The following FNBP1 variants were observed in gnomAD, a reference collection of about 807,000 sequenced individuals.
The protein encoded by FNBP1 is formin binding protein 1, also known as formin-binding protein 1.
Under a neutral mutation model 90.6 loss-of-function variants are expected in FNBP1, and 26 were observed. That is an observed-to-expected ratio of 0.29 (90% CI 0.21 to 0.40). The LOEUF is 0.40. FNBP1 is among the 10% of genes least tolerant of loss of function. The pLI is 1.00. For synonymous variants in FNBP1, 260 were observed against 265.2 expected (o/e 0.98, Z 0.19); for missense variants, 635 against 768.0 (o/e 0.83, Z 2.05).
intron 2 of FNBP1, among the ~76,000 whole-genome samples, chr9:129,985,920 C>T (rs1308133956): frequency 7.2e-6 from 1 of 139,774 alleles, no homozygotes; most frequent in African/African-American, 2.7e-5. Flanking sequence ...AAGATCATGC[C>T]ATTGCACTCC....
chr9:129,888,067 A>C lies in FNBP1; in HGVS notation c.*2472T>G, dbSNP rs184227561. The stretch of plus-strand genomic sequence containing the variant: ...GGTTCAACATTTAAGAGCACTCGCT[A>C]TAACATTCTTTTTGGACGCAGGTGG... On this transcript the variant is annotated 3_prime_UTR_variant, in exon 17 of 17. Coordinates refer to ENST00000446176, the MANE Select transcript of FNBP1 (RefSeq NM_015033.3). The C allele has an allele frequency of 2.1e-5, 5 of 232,688 alleles. No homozygotes were observed. The highest frequency in any genetic ancestry group is 3.4e-5 in the Non-Finnish European group (4 of 117,756). The allele number at this position is 232,688 out of a possible 1,614,324, so 14.4% of individuals were successfully genotyped here.
At chr9:129,970,605 T>C (rs2049307243) in intron 4 of FNBP1, among the ~76,000 whole-genome samples, 1 of 152,198 alleles carries the variant, frequency 6.6e-6, no homozygotes, top group African/African-American at 2.4e-5. Flanking sequence ...ATTTTGTCCT[T>C]TAATTCCGTT....
At chr9:129,892,509 G>C (rs1213986341) in intron 16 of FNBP1, among the ~76,000 whole-genome samples, 2 of 152,082 alleles carry the variant, frequency 1.3e-5, no homozygotes, top group African/African-American at 4.8e-5. Context: ...ATGGGTTGAA[G>C]GAGGGCAGTG....
At chr9:129,965,723 CAT>C (rs1554821700) in intron 4 of FNBP1, among the ~76,000 whole-genome samples, 122 of 138,452 alleles carry the variant, frequency 8.8e-4, no homozygotes, top group African/African-American at 3.1e-3. Context: ...CACACACACA[CAT>C]AGAAAGAAAA....
At chr9:130,025,552 T>C (rs758868908) in intron 1 of FNBP1, among the ~76,000 whole-genome samples, 3 of 152,194 alleles carry the variant, frequency 2.0e-5, no homozygotes, top group Non-Finnish European at 4.4e-5. Flanking sequence ...CACAGTCTAG[T>C]TTATACCAAA....
intron 12 of FNBP1, among the ~76,000 whole-genome samples, chr9:129,907,230 G>A (rs926989167): frequency 6.6e-6 from 1 of 151,886 alleles, no homozygotes; most frequent in African/African-American, 2.4e-5. Flanking sequence ...TGTGTCTTTT[G>A]TAGATAGCAT....
In FNBP1 at chr9:130,042,227, C is replaced by T. The variant is rs535804092; in HGVS notation, c.24+725G>A. On this transcript the variant is annotated intron_variant, in intron 1 of 16. Coordinates refer to ENST00000446176, the MANE Select transcript of FNBP1 (RefSeq NM_015033.3). The surrounding 1 kb of genome is among the most constrained non-coding windows in gnomAD (Gnocchi z 5.5). ...TCCCCACTGGAAACTATTCTCCGAGCAACCGTTAAAGATCATTGACCCCGC... is the reference window on the plus strand; with the variant it reads ...TCCCCACTGGAAACTATTCTCCGAGTAACCGTTAAAGATCATTGACCCCGC... Among the ~76,000 whole-genome samples the T allele has an allele frequency of 1.3e-5, 2 of 152,244 alleles. No homozygotes were observed. The highest frequency in any genetic ancestry group is 4.1e-4 in the South Asian group (2 of 4,828).
chr9:129,897,327 CAA>C (rs1278281618), intron 15 of FNBP1, among the ~76,000 whole-genome samples: 1 of 152,088 alleles, frequency 6.6e-6, no homozygotes, highest in African/African-American at 2.4e-5. Flanking sequence ...TTCTGCAAGG[CAA>C]AGAGTTTAGG....
At chr9:129,920,583 A>G (rs2040931216) in intron 10 of FNBP1, among the ~76,000 whole-genome samples, 1 of 152,214 alleles carries the variant, frequency 6.6e-6, no homozygotes, top group Non-Finnish European at 1.5e-5. Flanking sequence ...TACAGGTGTG[A>G]GCCACAACGC....
chr9:129,984,298 A>T (rs571867084), intron 2 of FNBP1, among the ~76,000 whole-genome samples: 3 of 152,198 alleles, frequency 2.0e-5, no homozygotes, highest in Non-Finnish European at 4.4e-5. Flanking sequence ...TGAAGAAAGG[A>T]GTCTAATCTC....
chr9:130,017,867 C>T lies in FNBP1; in HGVS notation c.25-22909G>A, dbSNP rs557512333. On this transcript the variant is annotated intron_variant, in intron 1 of 16. Coordinates refer to ENST00000446176, the MANE Select transcript of FNBP1 (RefSeq NM_015033.3). ...CAATGGACATCATGGTCTGGTCTAA[C>T]GTGGTTTTTTTTTTTTTTTTTTTTT... Among the ~76,000 whole-genome samples, 11 of 135,262 alleles carry T rather than the reference C, an allele frequency of 8.1e-5. No homozygotes were observed. In the East Asian group the frequency reaches 2.1e-3, roughly 26 times the overall value. The allele number at this position is 135,262 out of a possible 152,430, so 88.7% of individuals were successfully genotyped here. A position where few individuals can be genotyped will look rare whatever the true frequency, so the allele number is the denominator to read the frequency against.
chr9:130,033,430 G>A (rs1042139609), intron 1 of FNBP1, among the ~76,000 whole-genome samples: 1 of 152,200 alleles, frequency 6.6e-6, no homozygotes, highest in Admixed American at 6.5e-5. Flanking sequence ...AATTTTGGCT[G>A]TGCAAATAGA....
At chr9:129,950,635 C>T (rs759234224) in intron 6 of FNBP1, among the ~76,000 whole-genome samples, 10 of 152,200 alleles carry the variant, frequency 6.6e-5, no homozygotes, top group Non-Finnish European at 1.3e-4. Flanking sequence ...TGAAAACTGA[C>T]ATTAATGCAG....
chr9:129,980,969 T>G (rs547417782), intron 2 of FNBP1, among the ~76,000 whole-genome samples: 2 of 147,326 alleles, frequency 1.4e-5, no homozygotes, highest in Non-Finnish European at 3.0e-5. Flanking sequence ...GAGAATGGCA[T>G]GAATCCAGGA....
Position 130,043,107 on chromosome 9 carries a change from C to G in FNBP1, c.-132G>C. 1.4e-6 allele frequency: 1 copy of G among 730,542 alleles called. No homozygotes were observed. The highest frequency in any genetic ancestry group is 1.9e-6 in the Non-Finnish European group (1 of 533,510). The allele number at this position is 730,542 out of a possible 1,614,324, so 45.3% of individuals were successfully genotyped here. ...GGAGTCCGCGCGGCCTCCTCCGGCT[C>G]GCAGCTCCTCGCCCGGGGTCTCCTC... On this transcript the variant is annotated 5_prime_UTR_variant, in exon 1 of 17. Coordinates refer to ENST00000446176, the MANE Select transcript of FNBP1 (RefSeq NM_015033.3).
intron 1 of FNBP1, chr9:130,013,589 G>A (rs1482652860): frequency 2.5e-6 from 1 of 405,674 alleles, no homozygotes; most frequent in Non-Finnish European, 4.9e-6. Flanking sequence ...TATATCTTAA[G>A]GTTTAGGAGC....
chr9:130,018,029 T>C (rs2057433286), intron 1 of FNBP1, among the ~76,000 whole-genome samples: 1 of 149,146 alleles, frequency 6.7e-6, no homozygotes, highest in South Asian at 2.2e-4. Context: ...TTCTCCTGCC[T>C]CAGCCTCCCA....
At chr9:129,974,787 G>T (rs769990267) in intron 4 of FNBP1, among the ~76,000 whole-genome samples, 4 of 150,852 alleles carry the variant, frequency 2.7e-5, no homozygotes, top group Non-Finnish European at 5.9e-5. Context: ...TTGACTTCAG[G>T]AGGTTGAAGC....
At chr9:129,962,517 G>A (rs889456696) in intron 4 of FNBP1, among the ~76,000 whole-genome samples, 3 of 152,148 alleles carry the variant, frequency 2.0e-5, no homozygotes, top group East Asian at 1.9e-4. Flanking sequence ...AGGATTTAGC[G>A]GAGTCAGAAA....
Sources: allele counts gnomAD v4.1 joint callset (sites outside exome capture counted in the v4.1 genomes callset), GRCh38; gene constraint gnomAD v4.1.1; non-coding constraint Gnocchi (gnomAD v3.1); transcripts MANE v1.5; gene names NCBI Gene and HGNC (gene_info 2026-07-23, HGNC 2026-07-21).